HIVEP3: variants seen among roughly 807,000 people sequenced by gnomAD.
HIVEP3 encodes transcription factor HIVEP3.
In HIVEP3, 49 loss-of-function variants were observed where a neutral mutation model predicts 152.8. That is an observed-to-expected ratio of 0.32 (90% CI 0.26 to 0.41). The LOEUF is 0.41. Among genes scored for constraint, HIVEP3 ranks in the 10% least tolerant of loss-of-function variants. HIVEP3 has a pLI of 1.00. For missense variants in HIVEP3, 2,790 were observed against 3,103.3 expected (o/e 0.90, Z 2.40); for synonymous variants, 1,269 against 1,289.0 (o/e 0.98, Z 0.33).
intron 1 of HIVEP3, among the ~76,000 whole-genome samples, chr1:41,782,723 C>T (rs1414459823): frequency 8.3e-6 from 1 of 119,942 alleles, no homozygotes; most frequent in African/African-American, 3.4e-5. Flanking sequence ...CAGAGCAAGA[C>T]TCCATCTCAA....
At chr1:41,729,626 A>G (rs1646809415) in intron 1 of HIVEP3, among the ~76,000 whole-genome samples, 1 of 152,162 alleles carries the variant, frequency 6.6e-6, no homozygotes, top group South Asian at 2.1e-4. Context: ...ACAGAAGGAG[A>G]AAGTGAAGAG....
chr1:41,890,923 A>T (rs530006462), intron 1 of HIVEP3, among the ~76,000 whole-genome samples: 7 of 152,274 alleles, frequency 4.6e-5, no homozygotes, highest in Non-Finnish European at 7.4e-5. Flanking sequence ...CATAAGGGAG[A>T]GGTTTGAATG....
intron 6 of HIVEP3, among the ~76,000 whole-genome samples, chr1:41,519,682 G>C (rs1321308042): frequency 1.3e-5 from 2 of 152,172 alleles, no homozygotes; most frequent in African/African-American, 4.8e-5. Context: ...TAAGCCTCCT[G>C]GAGTGGATGA....
At chr1:41,784,349 A>G (rs1649223744) in intron 1 of HIVEP3, among the ~76,000 whole-genome samples, 1 of 152,198 alleles carries the variant, frequency 6.6e-6, no homozygotes, top group Admixed American at 6.5e-5. Flanking sequence ...AACCTTTTGG[A>G]TATGTTGTGT....
At chr1:41,754,423 G>C (rs1054917019) in intron 1 of HIVEP3, among the ~76,000 whole-genome samples, 1 of 152,192 alleles carries the variant, frequency 6.6e-6, no homozygotes, top group Non-Finnish European at 1.5e-5. Flanking sequence ...GCTAGAGATA[G>C]CAGCAAGTGA....
intron 3 of HIVEP3, among the ~76,000 whole-genome samples, chr1:41,603,403 A>C (rs1644774465): frequency 6.6e-6 from 1 of 150,726 alleles, no homozygotes; most frequent in South Asian, 2.1e-4. Flanking sequence ...ACTGTCACCC[A>C]GGCTGGAGAG....
At chr1:41,895,960 C>T (rs956776690) in intron 1 of HIVEP3, among the ~76,000 whole-genome samples, 5 of 152,182 alleles carry the variant, frequency 3.3e-5, no homozygotes, top group African/African-American at 9.7e-5. Flanking sequence ...CCGCTAATCA[C>T]GGCACTGCCC....
Position 41,593,283 on chromosome 1 carries a change from G to A in HIVEP3, c.-521-7965C>T, listed in dbSNP as rs542690648. ...TAATTTAATATATGTTCTTCCCGACGTCCTAATGTATTTATATTGATCTGC... is the reference window on the plus strand; with the variant it reads ...TAATTTAATATATGTTCTTCCCGACATCCTAATGTATTTATATTGATCTGC... On this transcript the variant is annotated intron_variant, in intron 3 of 8. Transcript: ENST00000372583. 9.9e-5 allele frequency among the ~76,000 whole-genome samples: 15 copies of A among 152,060 alleles called. No homozygotes were observed. The South Asian group carries it at 2.5e-3, about 25-fold the overall frequency.
At chr1:41,963,483 A>G (rs889670110) in intron 1 of HIVEP3, among the ~76,000 whole-genome samples, 11 of 145,062 alleles carry the variant, frequency 7.6e-5, no homozygotes, top group Non-Finnish European at 1.7e-4. Context: ...ACACTTGGAC[A>G]CAGGAAGGGG....
chr1:41,697,532 A>G (rs1646294748), intron 2 of HIVEP3, among the ~76,000 whole-genome samples: 1 of 152,210 alleles, frequency 6.6e-6, no homozygotes, highest in Admixed American at 6.5e-5. Flanking sequence ...ATGTGGGGGC[A>G]CAAAAGGCAC....
chr1:41,551,161 T>G (rs1400161144), intron 5 of HIVEP3, among the ~76,000 whole-genome samples: 3 of 152,230 alleles, frequency 2.0e-5, no homozygotes, highest in Admixed American at 6.5e-5. Flanking sequence ...TGGTTCTGTT[T>G]ATGTGATGGA....
intron 1 of HIVEP3, among the ~76,000 whole-genome samples, chr1:41,768,627 G>A (rs1277199012): frequency 6.6e-6 from 1 of 152,140 alleles, no homozygotes; most frequent in African/African-American, 2.4e-5. Context: ...CCCTTGTTGG[G>A]GTGTGAAACC....
intron 1 of HIVEP3, among the ~76,000 whole-genome samples, chr1:41,848,716 G>C (rs1233476577): frequency 6.6e-6 from 1 of 152,162 alleles, no homozygotes; most frequent in Non-Finnish European, 1.5e-5. Flanking sequence ...GCTTGGGCTG[G>C]AGCAGTCAGA....
intron 1 of HIVEP3, among the ~76,000 whole-genome samples, chr1:41,768,556 T>C (rs1570494408): frequency 6.6e-6 from 1 of 152,242 alleles, no homozygotes. Flanking sequence ...GGTGCTGGAA[T>C]TGATCTTAGC....
intron 1 of HIVEP3, among the ~76,000 whole-genome samples, chr1:42,032,564 G>A (rs1215798811): frequency 6.6e-6 from 1 of 152,126 alleles, no homozygotes; most frequent in Non-Finnish European, 1.5e-5. Context: ...GGGGCTATGC[G>A]TTCAAAACTG....
At chr1:41,907,835 G>A (rs186022111) in intron 1 of HIVEP3, among the ~76,000 whole-genome samples, 10 of 152,310 alleles carry the variant, frequency 6.6e-5, no homozygotes, top group African/African-American at 1.9e-4. Context: ...TCAGCCAAGC[G>A]CAACTCAGAC....
Position 41,858,161 on chromosome 1 carries a change from C to T in HIVEP3, c.-801+60252G>A, listed in dbSNP as rs575593578. Among the ~76,000 whole-genome samples, 4 of 152,300 alleles carry T rather than the reference C, an allele frequency of 2.6e-5. No individual in the cohort carries two copies. The East Asian group carries it at 7.7e-4, about 29-fold the overall frequency. On this transcript the variant is annotated intron_variant, in intron 1 of 8. Coordinates refer to ENST00000372583, the MANE Select transcript of HIVEP3 (RefSeq NM_024503.5). ...CATAAGTTTTACCCAGTAATCAATG[C>T]TCCACGGAAGGTTAGGTGGCCCTGC...
chr1:41,905,741 T>C (rs1275078646), intron 1 of HIVEP3, among the ~76,000 whole-genome samples: 1 of 152,132 alleles, frequency 6.6e-6, no homozygotes, highest in Non-Finnish European at 1.5e-5. Flanking sequence ...ACAATTAGAA[T>C]ATAGTACAGT....
At chr1:41,647,893 G>A (rs892419056) in intron 2 of HIVEP3, among the ~76,000 whole-genome samples, 5 of 152,214 alleles carry the variant, frequency 3.3e-5, no homozygotes. Flanking sequence ...GCCTCTGGGA[G>A]GCCCCTGACT....
Sources: allele counts gnomAD v4.1 joint callset (sites outside exome capture counted in the v4.1 genomes callset), GRCh38; gene constraint gnomAD v4.1.1; transcripts MANE v1.5; gene names NCBI Gene and HGNC (gene_info 2026-07-23, HGNC 2026-07-21).